The following CYP4X1 variants were observed in gnomAD, a reference collection of about 807,000 sequenced individuals.
CYP4X1 encodes the protein cytochrome P450 4X1.
In CYP4X1, 44 loss-of-function variants were observed where a neutral mutation model predicts 57.9. That is an observed-to-expected ratio of 0.76 (90% CI 0.60 to 0.98). The LOEUF (loss-of-function observed/expected upper bound fraction) is 0.98, where lower values mean the gene tolerates loss of function less well. Among genes scored for constraint, CYP4X1 ranks in the 50% least tolerant of loss-of-function variants. CYP4X1 has a pLI of 0.00. For synonymous variants in CYP4X1, 227 were observed against 228.6 expected (o/e 0.99, Z 0.06); for missense variants, 532 against 623.9 (o/e 0.85, Z 1.57).
chr1:47,048,716 T>A (rs1390535376), intron 10 of CYP4X1, 87 bp downstream of exon 10: 2 of 1,247,942 alleles, frequency 1.6e-6, no homozygotes, highest in Non-Finnish European at 2.2e-6. Context: ...AGTGGCTATA[T>A]AATTAAGGGA....
At chr1:47,035,654 C>A in intron 4 of CYP4X1, 152 bp from the exon 5 acceptor site, 1 of 1,155,294 alleles carries the variant, frequency 8.7e-7, no homozygotes, top group Non-Finnish European at 1.2e-6. Flanking sequence ...CCTGTGTAAG[C>A]ACATGGCTTA....
At chr1:47,010,865 T>G in the CYP4X1 span, among the ~76,000 whole-genome samples, 2 of 152,130 alleles carry the variant, frequency 1.3e-5, no homozygotes, top group Non-Finnish European at 2.9e-5. Context: ...GTGAAGGACC[T>G]CTTCAAGGAG....
the CYP4X1 span, among the ~76,000 whole-genome samples, chr1:46,989,632 A>G: frequency 2.6e-5 from 4 of 152,122 alleles, no homozygotes; most frequent in Non-Finnish European, 5.9e-5. Context: ...GAGGCATCAC[A>G]CTATTTGACT....
At chr1:47,004,609 T>TA in the CYP4X1 span, among the ~76,000 whole-genome samples, 5 of 152,100 alleles carry the variant, frequency 3.3e-5, no homozygotes, top group East Asian at 1.9e-4. Flanking sequence ...CTTTTTTTTT[T>TA]AATTTATTTA....
upstream of CYP4X1, chr1:47,023,655 G>A: frequency 7.1e-7 from 1 of 1,414,740 alleles, no homozygotes; most frequent in Non-Finnish European, 9.2e-7. Context: ...CCCCAGGCCT[G>A]AGCTGCCCCT....
the CYP4X1 span, among the ~76,000 whole-genome samples, chr1:47,017,778 G>T: frequency 3.9e-5 from 6 of 152,102 alleles, no homozygotes; most frequent in East Asian, 1.9e-4. Context: ...CTGGCAAGTT[G>T]TCCCACCTTT....
At chr1:47,018,867 T>C (rs549136541), upstream of CYP4X1, among the ~76,000 whole-genome samples, 2 of 152,132 alleles carry the variant, frequency 1.3e-5, no homozygotes, top group East Asian at 3.9e-4. Context: ...CTGTAGAAAA[T>C]ACAAGCCGCT....
the CYP4X1 span, among the ~76,000 whole-genome samples, chr1:46,964,052 T>C: frequency 6.6e-6 from 1 of 152,388 alleles, no homozygotes; most frequent in South Asian, 2.1e-4. Flanking sequence ...CTGAGGCTTA[T>C]GCATTCATCA....
downstream of CYP4X1, among the ~76,000 whole-genome samples, chr1:47,052,802 TAAAA>T (rs869097308): frequency 3.3e-5 from 5 of 151,898 alleles, no homozygotes; most frequent in East Asian, 3.9e-4. Flanking sequence ...AATAAATAAA[TAAAA>T]AATAAAATAA....
At chr1:47,006,070 G>A in the CYP4X1 span, among the ~76,000 whole-genome samples, 2 of 152,206 alleles carry the variant, frequency 1.3e-5, no homozygotes, top group South Asian at 4.1e-4. Flanking sequence ...TCAGTTTACA[G>A]AAGTAATCTA....
chr1:47,023,444 T>C, upstream of CYP4X1: 1 of 830,260 alleles, frequency 1.2e-6, no homozygotes, highest in African/African-American at 1.8e-5. Flanking sequence ...ATCTCTTGCA[T>C]AGCCATTTAT....
In CYP4X1 at chr1:47,026,082, G is replaced by C. The variant is rs12033647; in HGVS notation, c.177+2088G>C. Among the ~76,000 whole-genome samples the C allele has an allele frequency of 1.1e-3, 164 of 152,304 alleles. 2 individuals are homozygous for C. The East Asian group carries it at 0.026, about 24-fold the overall frequency. Reference sequence around the variant, plus strand: ...GAGAGTAGAAGGATGGTTACCAAAGGCTGGGAAGGATAGAGGGGAGCTGGG... The same window carrying C: ...GAGAGTAGAAGGATGGTTACCAAAGCCTGGGAAGGATAGAGGGGAGCTGGG... On this transcript the variant is annotated intron_variant, in intron 1 of 11. Transcript: ENST00000371901.
intron 4 of CYP4X1, among the ~76,000 whole-genome samples, 159 bp from the exon 5 acceptor site, chr1:47,035,647 G>T (rs1422390446): frequency 6.6e-6 from 1 of 152,154 alleles, no homozygotes; most frequent in Non-Finnish European, 1.5e-5. Context: ...CTCGTGCCCT[G>T]TGTAAGCACA....
downstream of CYP4X1, among the ~76,000 whole-genome samples, chr1:47,051,641 A>G (rs934118196): frequency 6.6e-6 from 1 of 152,146 alleles, no homozygotes; most frequent in Non-Finnish European, 1.5e-5. Flanking sequence ...CCTAAAATCT[A>G]TATATAAAAA....
chr1:47,055,131 G>A (rs1644385371), downstream of CYP4X1, among the ~76,000 whole-genome samples: 1 of 152,124 alleles, frequency 6.6e-6, no homozygotes, highest in Admixed American at 6.5e-5. Context: ...TAGCATGAAG[G>A]TTGTTGAATT....
the CYP4X1 span, among the ~76,000 whole-genome samples, chr1:46,975,246 T>G: frequency 2.0e-5 from 3 of 152,122 alleles, no homozygotes; most frequent in African/African-American, 4.8e-5. Context: ...ACACTTGTTA[T>G]GTATTTTATA....
chr1:46,999,020 C>G, the CYP4X1 span, among the ~76,000 whole-genome samples: 1 of 90,786 alleles, frequency 1.1e-5, no homozygotes, highest in African/African-American at 6.9e-5. Context: ...CTTGGGCTTG[C>G]TTTCTTTGTG....
intron 6 of CYP4X1, among the ~76,000 whole-genome samples, chr1:47,037,272 ATTTT>A (rs34146521): frequency 6.0e-5 from 7 of 115,864 alleles, no homozygotes; most frequent in Admixed American, 9.1e-5. Flanking sequence ...AACCTTTTCA[ATTTT>A]TTTTTTTTTT....
At chr1:47,039,738 A>G (rs867434349) in intron 8 of CYP4X1, 40 of 386,698 alleles carry the variant, frequency 1.0e-4, no homozygotes, top group Admixed American at 3.1e-4. Flanking sequence ...ATTTATCCAT[A>G]AATTGTCTGT....
Sources: allele counts gnomAD v4.1 joint callset (sites outside exome capture counted in the v4.1 genomes callset), GRCh38; gene constraint gnomAD v4.1.1; transcripts MANE v1.5; gene names NCBI Gene and HGNC (gene_info 2026-07-23, HGNC 2026-07-21).